Variants in FANCC observed in about 807,000 individuals in gnomAD.
FANCC encodes FA complementation group C.
A neutral mutation model predicts 71.3 loss-of-function variants in FANCC; 55 were observed. The ratio of observed to expected loss-of-function variants is 0.77; its 90% CI spans 0.62 to 0.97. FANCC has a LOEUF of 0.97. Ranked by LOEUF, FANCC falls within the 50% of genes least tolerant of loss-of-function variation. The probability of loss-of-function intolerance (pLI) is 0.00; values close to 1 mark genes in which losing one functional copy is unlikely to be tolerated. For missense variants in FANCC, 678 were observed against 670.9 expected (o/e 1.01, Z -0.12); for synonymous variants, 275 against 244.9 (o/e 1.12, Z -1.15).
At chr9:95,253,308 C>CGGA (rs1336417231) in intron 1 of FANCC, among the ~76,000 whole-genome samples, 1 of 152,148 alleles carries the variant, frequency 6.6e-6, no homozygotes, top group Non-Finnish European at 1.5e-5. Context: ...GGGATGATCA[C>CGGA]ACCTGTTGGG....
At chr9:95,228,433 C>T (rs991801040) in intron 4 of FANCC, among the ~76,000 whole-genome samples, 3 of 152,222 alleles carry the variant, frequency 2.0e-5, no homozygotes, top group Admixed American at 6.5e-5. Context: ...TCTCTCCTCT[C>T]CATGTGGAAG....
chr9:95,205,453 A>T (rs1588278592), intron 4 of FANCC, among the ~76,000 whole-genome samples: 1 of 152,176 alleles, frequency 6.6e-6, no homozygotes, highest in East Asian at 1.9e-4. Context: ...TAAAGCAACA[A>T]GACAGCATCC....
chr9:95,102,974 G>A (rs573022522), intron 14 of FANCC, among the ~76,000 whole-genome samples: 18 of 152,344 alleles, frequency 1.2e-4, no homozygotes, highest in African/African-American at 3.4e-4. Flanking sequence ...GCACGTGCCA[G>A]TGTGTCCCTG....
Position 95,243,403 on chromosome 9 carries a change from T to C in FANCC, c.251-2660A>G, listed in dbSNP as rs566136112. ...TTTCCAAATCATCCCTCCTTCCTTA[T>C]TACCCTTTTCTGATCCTATTCTCCA... On this transcript the variant is annotated intron_variant, in intron 3 of 14. Transcript: ENST00000289081. 2.0e-5 allele frequency among the ~76,000 whole-genome samples: 3 copies of C among 152,336 alleles called. No homozygotes were observed. In the South Asian group the frequency reaches 6.2e-4, roughly 32 times the overall value.
chr9:95,262,612 C>T (rs1832120760), intron 1 of FANCC, among the ~76,000 whole-genome samples: 1 of 152,166 alleles, frequency 6.6e-6, no homozygotes, highest in African/African-American at 2.4e-5. Context: ...CCAGCAATCC[C>T]ACTTCTAGGT....
At chr9:95,139,841 T>C (rs952386537) in intron 7 of FANCC, among the ~76,000 whole-genome samples, 1 of 147,030 alleles carries the variant, frequency 6.8e-6, no homozygotes, top group African/African-American at 2.5e-5. Context: ...TATTTATATA[T>C]ATATATATAT....
intron 4 of FANCC, among the ~76,000 whole-genome samples, chr9:95,188,722 C>A (rs1421205924): frequency 6.6e-6 from 1 of 152,150 alleles, no homozygotes; most frequent in African/African-American, 2.4e-5. Context: ...CTAACTGTTA[C>A]TTCCTGCAGT....
At chr9:95,259,213 A>T (rs532630709) in intron 1 of FANCC, among the ~76,000 whole-genome samples, 3 of 152,362 alleles carry the variant, frequency 2.0e-5, no homozygotes, top group Admixed American at 1.3e-4. Flanking sequence ...ATGGAACCAA[A>T]AAAAAGTCCA....
chr9:95,151,326 A>G (rs1205719829), intron 6 of FANCC, among the ~76,000 whole-genome samples: 1 of 152,164 alleles, frequency 6.6e-6, no homozygotes, highest in Admixed American at 6.5e-5. Flanking sequence ...ATCCGTCTCC[A>G]GTGAATGATA....
At chr9:95,108,655 T>C (rs2071653163) in intron 13 of FANCC, among the ~76,000 whole-genome samples, 1 of 152,208 alleles carries the variant, frequency 6.6e-6, no homozygotes. Context: ...TTTTTTATCC[T>C]GCATTATAAA....
At chr9:95,284,751 T>C (rs1298266345) in intron 1 of FANCC, among the ~76,000 whole-genome samples, 1 of 151,978 alleles carries the variant, frequency 6.6e-6, no homozygotes, top group African/African-American at 2.4e-5. Flanking sequence ...GTACCAGTCT[T>C]ACCAGACAAA....
rs970785338 is a variant in FANCC, at chr9:95,266,952, T to C, written c.-78-17583A>G. On this transcript the variant is annotated intron_variant, in intron 1 of 14. Transcript: ENST00000289081. ...GGATGGATTCTCTTTACTCCAAACA[T>C]ACAGCAATGAGAGGGGAAACATAAA... 2.6e-5 allele frequency among the ~76,000 whole-genome samples: 4 copies of C among 151,958 alleles called. No homozygotes were observed. In the East Asian group the frequency reaches 7.7e-4, roughly 29 times the overall value.
intron 4 of FANCC, among the ~76,000 whole-genome samples, chr9:95,179,411 A>G (rs1457219992): frequency 6.6e-6 from 1 of 152,226 alleles, no homozygotes; most frequent in Non-Finnish European, 1.5e-5. Context: ...CAATGGCACA[A>G]TCTTAGCTCA....
At chr9:95,267,186 G>C (rs1832431045) in intron 1 of FANCC, among the ~76,000 whole-genome samples, 1 of 152,142 alleles carries the variant, frequency 6.6e-6, no homozygotes, top group Admixed American at 6.5e-5. Context: ...ACAAACGACA[G>C]AGTGAGAAAC....
intron 7 of FANCC, among the ~76,000 whole-genome samples, chr9:95,138,686 C>T (rs926026302): frequency 3.3e-5 from 5 of 152,214 alleles, no homozygotes; most frequent in Non-Finnish European, 7.3e-5. Context: ...AGAGCCATGG[C>T]ACGGTGTTTG....
At chr9:95,199,337 C>A (rs564675132) in intron 4 of FANCC, among the ~76,000 whole-genome samples, 1 of 151,890 alleles carries the variant, frequency 6.6e-6, no homozygotes, top group African/African-American at 2.4e-5. Context: ...GCAGCCCCAC[C>A]CTGCACCCAC....
intron 4 of FANCC, among the ~76,000 whole-genome samples, chr9:95,200,879 T>C (rs1225463418): frequency 1.3e-5 from 2 of 152,312 alleles, no homozygotes; most frequent in East Asian, 3.9e-4. Flanking sequence ...AACTTCAAGA[T>C]ATTTATTTGA....
intron 1 of FANCC, among the ~76,000 whole-genome samples, chr9:95,277,093 T>G (rs1038761567): frequency 1.3e-5 from 2 of 152,210 alleles, no homozygotes; most frequent in African/African-American, 2.4e-5. Context: ...TGAACAGTTA[T>G]TAGCCAAAGA....
intron 1 of FANCC, among the ~76,000 whole-genome samples, chr9:95,288,291 C>A (rs547283829): frequency 6.6e-5 from 10 of 152,074 alleles, no homozygotes; most frequent in Non-Finnish European, 1.3e-4. Flanking sequence ...GATGCCTTTA[C>A]CAAGACCATA....
Sources: allele counts gnomAD v4.1 joint callset (sites outside exome capture counted in the v4.1 genomes callset), GRCh38; gene constraint gnomAD v4.1.1; transcripts MANE v1.5; gene names NCBI Gene and HGNC (gene_info 2026-07-23, HGNC 2026-07-21).